Variants in EDARADD observed in about 807,000 individuals in gnomAD.
EDARADD encodes the protein ectodysplasin-A receptor-associated adapter protein.
Under a neutral mutation model 25.6 loss-of-function variants are expected in EDARADD, and 20 were observed. The observed-to-expected ratio is 0.78, with a 90% CI of 0.55 to 1.14. The LOEUF (loss-of-function observed/expected upper bound fraction) is 1.14, where lower values mean the gene tolerates loss of function less well. Among genes scored for constraint, EDARADD ranks in the 50% most tolerant of loss-of-function variants. The probability of loss-of-function intolerance (pLI) is 0.00; values close to 1 mark genes in which losing one functional copy is unlikely to be tolerated. For synonymous variants in EDARADD, 86 were observed against 94.4 expected, an observed-to-expected ratio of 0.91 and a Z score of 0.52; for missense variants, 225 against 270.1, an observed-to-expected ratio of 0.83 and a Z score of 1.17.
intron 5 of EDARADD, among the ~76,000 whole-genome samples, chr1:236,476,916 C>G (rs1659523741): frequency 6.6e-6 from 1 of 151,816 alleles, no homozygotes; most frequent in Non-Finnish European, 1.5e-5. Context: ...TGCTTGAGCC[C>G]ATGAAGTGGA....
At chr1:236,371,777 G>T (rs1197023643) in intron 3 of EDARADD, among the ~76,000 whole-genome samples, 1 of 151,776 alleles carries the variant, frequency 6.6e-6, no homozygotes, top group Non-Finnish European at 1.5e-5. Flanking sequence ...TCTTCATGTT[G>T]AGCAGGCTGG....
chr1:236,406,888 T>C (rs773293544), intron 1 of EDARADD, among the ~76,000 whole-genome samples: 16 of 152,236 alleles, frequency 1.1e-4, no homozygotes, highest in Admixed American at 6.5e-4. Flanking sequence ...GCCTTAGCAC[T>C]AAGGGCTCTG....
chr1:236,410,927 C>T (rs2103008795), intron 2 of EDARADD, among the ~76,000 whole-genome samples: 1 of 152,290 alleles, frequency 6.6e-6, no homozygotes, highest in East Asian at 1.9e-4. Flanking sequence ...TCACTCTGAT[C>T]AAAATGGAAC....
Position 236,395,560 on chromosome 1 carries a change from C to G in EDARADD, c.61+1055C>G. 1 of 1,541,972 alleles carries G rather than the reference C, an allele frequency of 6.5e-7. No individual in the cohort carries two copies. The highest frequency in any genetic ancestry group is 8.7e-7 in the Non-Finnish European group (1 of 1,146,720). On this transcript the variant is annotated intron_variant, in intron 1 of 5. Transcript: ENST00000334232. The surrounding 1 kb of genome is among the most constrained non-coding windows in gnomAD (Gnocchi z 6.9). ...CGCAGGACTTTTCATCCCCGTGGTC[C>G]CACGGTCCTCCCGCGCCCCGGAGGC...
At position 236,431,792 on chromosome 1, in the gene EDARADD, G is replaced by A. The variant is rs1026560882; in HGVS notation, c.219+4342G>A. 1.3e-4 allele frequency among the ~76,000 whole-genome samples: 13 copies of A among 103,842 alleles called. 1 individual carries two copies. The highest frequency in any genetic ancestry group is 3.3e-4 in the African/African-American group (12 of 36,312). The allele number at this position is 103,842 out of a possible 152,430, so 68.1% of individuals were successfully genotyped here. A position where few individuals can be genotyped will look rare whatever the true frequency, so the allele number is the denominator to read the frequency against. ...AAAAATTAGCCGGGCGCGGTGGCGG[G>A]CGCCTGTAGTCCCAGCTACTCGGGA... On this transcript the variant is annotated intron_variant, in intron 4 of 5. Transcript: ENST00000334232.
intron 3 of EDARADD, among the ~76,000 whole-genome samples, chr1:236,358,022 C>T (rs1428164891): frequency 6.6e-6 from 1 of 152,026 alleles, no homozygotes; most frequent in Non-Finnish European, 1.5e-5. Flanking sequence ...ATAGGTGCTG[C>T]CACCACACCC....
At chr1:236,456,010 C>G (rs1457679761) in intron 4 of EDARADD, among the ~76,000 whole-genome samples, 1 of 152,166 alleles carries the variant, frequency 6.6e-6, no homozygotes, top group African/African-American at 2.4e-5. Context: ...AGGATGGTCT[C>G]GATCTGCTGA....
chr1:236,405,723 C>T (rs543042161), intron 1 of EDARADD, among the ~76,000 whole-genome samples: 6 of 146,220 alleles, frequency 4.1e-5, no homozygotes, highest in African/African-American at 1.5e-4. Context: ...TCCTTCCTTT[C>T]TTTTTCTTTC....
At chr1:236,474,091 C>T (rs1043955416) in intron 5 of EDARADD, among the ~76,000 whole-genome samples, 2 of 152,122 alleles carry the variant, frequency 1.3e-5, no homozygotes, top group African/African-American at 4.8e-5. Flanking sequence ...TGCCCTGAAA[C>T]GTCAAGCCTT....
chr1:236,471,498 C>T (rs1278704750), intron 5 of EDARADD, among the ~76,000 whole-genome samples: 1 of 152,022 alleles, frequency 6.6e-6, no homozygotes, highest in Non-Finnish European at 1.5e-5. Context: ...TGATTATACC[C>T]CCTTAATAAC....
chr1:236,481,680 G>A (rs1406836565), intron 5 of EDARADD, among the ~76,000 whole-genome samples: 1 of 151,430 alleles, frequency 6.6e-6, no homozygotes, highest in Non-Finnish European at 1.5e-5. Context: ...TCGGGAAGCT[G>A]AGGTGGGAGG....
At chr1:236,352,214 G>T (rs77406292) in intron 3 of EDARADD, among the ~76,000 whole-genome samples, 1 of 152,082 alleles carries the variant, frequency 6.6e-6, no homozygotes, top group Non-Finnish European at 1.5e-5. Context: ...TATTATTTCC[G>T]TCTCAATGCC....
chr1:236,455,066 T>C (rs1029506352), intron 4 of EDARADD, among the ~76,000 whole-genome samples: 2 of 151,996 alleles, frequency 1.3e-5, no homozygotes, highest in Admixed American at 6.6e-5. Flanking sequence ...AAAAATTAGC[T>C]GGGCGTGGTG....
upstream of EDARADD, among the ~76,000 whole-genome samples, chr1:236,390,604 C>T (rs919643074): frequency 1.3e-5 from 2 of 151,992 alleles, no homozygotes; most frequent in Non-Finnish European, 1.5e-5. Flanking sequence ...ACCCCAATAA[C>T]GTATGGAAAA....
chr1:236,395,441 G>T lies in EDARADD; in HGVS notation c.61+936G>T. ...AATTGCCAAAGCAGGAAGTGAGCTC[G>T]TGGAAGAAGCGAAGGAGGAGAAGAA... is the stretch of plus-strand genomic sequence containing the variant. On this transcript the variant is annotated intron_variant, in intron 1 of 5. Coordinates refer to ENST00000334232, the MANE Select transcript of EDARADD (RefSeq NM_145861.4). This position sits in a 1 kb window ranked among gnomAD's most constrained non-coding sequence, Gnocchi z 6.9. 1 of 1,471,550 alleles carries T rather than the reference G, an allele frequency of 6.8e-7. No individual in the cohort carries two copies. The highest frequency in any genetic ancestry group is 9.0e-7 in the Non-Finnish European group (1 of 1,113,380). The allele number at this position is 1,471,550 out of a possible 1,614,324, so 91.2% of individuals were successfully genotyped here.
chr1:236,407,025 G>T (rs1667751057), intron 1 of EDARADD, among the ~76,000 whole-genome samples: 1 of 152,324 alleles, frequency 6.6e-6, no homozygotes, highest in East Asian at 1.9e-4. Flanking sequence ...CACTGGACTG[G>T]CAGGAAATTC....
upstream of EDARADD, among the ~76,000 whole-genome samples, chr1:236,392,408 G>GT (rs1332585858): frequency 4.6e-5 from 7 of 152,104 alleles, no homozygotes; most frequent in Admixed American, 4.6e-4. Context: ...CCTGAGGTCT[G>GT]TAACTCCTTG....
At chr1:236,452,860 C>G (rs1465211247) in intron 4 of EDARADD, among the ~76,000 whole-genome samples, 1 of 152,168 alleles carries the variant, frequency 6.6e-6, no homozygotes, top group Non-Finnish European at 1.5e-5. Context: ...CATCTCACAT[C>G]CTCCTATAGG....
In EDARADD at chr1:236,461,469, G is replaced by A. The variant is rs540730560; in HGVS notation, c.220-6762G>A. On this transcript the variant is annotated intron_variant, in intron 4 of 5. Transcript: ENST00000334232. The stretch of plus-strand genomic sequence containing the variant: ...AAAAATGAGTTCCCTGTAGGTGTGT[G>A]GGTTTGCTTCTGGTTCTCTATTCTG... 9.2e-5 allele frequency among the ~76,000 whole-genome samples: 14 copies of A among 152,286 alleles called. 1 individual carries two copies. Among genetic ancestry groups the A allele is most frequent in the African/African-American group, 2.6e-4 (11 of 41,556 alleles).
Sources: allele counts gnomAD v4.1 joint callset (sites outside exome capture counted in the v4.1 genomes callset), GRCh38; gene constraint gnomAD v4.1.1; non-coding constraint Gnocchi (gnomAD v3.1); transcripts MANE v1.5; gene names NCBI Gene and HGNC (gene_info 2026-07-23, HGNC 2026-07-21).